Variants in BOK observed in about 807,000 individuals in gnomAD.
BOK encodes BCL2 family apoptosis regulator BOK, also known as bcl-2-related ovarian killer protein.
A neutral mutation model predicts 18.3 loss-of-function variants in BOK; 20 were observed. That is an observed-to-expected ratio of 1.09 (90% CI 0.77 to 1.59). The LOEUF is 1.59. Among genes scored for constraint, BOK ranks in the 40% most tolerant of loss-of-function variants. The probability of loss-of-function intolerance (pLI) is 0.00; values close to 1 mark genes in which losing one functional copy is unlikely to be tolerated. For synonymous variants in BOK, 173 were observed against 142.4 expected, an observed-to-expected ratio of 1.21 and a Z score of -1.53; for missense variants, 348 against 307.9, an observed-to-expected ratio of 1.13 and a Z score of -0.97.
rs191011691 is a variant in BOK, at chr2:241,569,275, G to A, written c.350-850G>A. On this transcript the variant is annotated intron_variant, in intron 3 of 4. Transcript: ENST00000318407. ...GCCTCCCGAGTAGCTGGGATTATAG[G>A]CGCGTGCCACCACGCCTGGCTAATT... 2.5e-3 allele frequency among the ~76,000 whole-genome samples: 376 copies of A among 151,980 alleles called. 4 individuals carry two copies. Among genetic ancestry groups the A allele is most frequent in the East Asian group, 0.02 (105 of 5,168 alleles).
chr2:241,554,202 T>C (rs2066434770), upstream of BOK, among the ~76,000 whole-genome samples: 1 of 152,034 alleles, frequency 6.6e-6, no homozygotes, highest in Non-Finnish European at 1.5e-5. Flanking sequence ...GGGCTGGCTC[T>C]GTATGGCAGG....
At chr2:241,559,846 G>C in intron 2 of BOK, 143 bp downstream of exon 2, 1 of 1,042,440 alleles carries the variant, frequency 9.6e-7, no homozygotes, top group Non-Finnish European at 1.2e-6. Flanking sequence ...GGGCCACCCA[G>C]GCGGGTGCTC....
chr2:241,569,996 C>G (rs1053244459), intron 3 of BOK, 129 bp from the exon 4 acceptor site: 15 of 1,219,894 alleles, frequency 1.2e-5, no homozygotes, highest in Non-Finnish European at 1.6e-5. Context: ...AGCGGTCCCC[C>G]CTTGGGACGG....
In BOK at chr2:241,559,427, C is replaced by G. The variant is rs550663419; in HGVS notation, c.-29-28C>G. 1.5e-5 allele frequency: 20 copies of G among 1,311,042 alleles called. No individual in the cohort carries two copies. In the South Asian group the frequency reaches 3.6e-4, roughly 23 times the overall value. 81.2% of individuals were successfully genotyped at this position (1,311,042 alleles called of 1,614,324 possible). A position where few individuals can be genotyped will look rare whatever the true frequency, so the allele number is the denominator to read the frequency against. Reference sequence around the variant, plus strand: ...GCCCCGTTCCCCGCGCCGCCTCCCTCCACCCGGCTGAGCGCTTGTGCCCGC... The same window carrying G: ...GCCCCGTTCCCCGCGCCGCCTCCCTGCACCCGGCTGAGCGCTTGTGCCCGC... On this transcript the variant is annotated intron_variant, in intron 1 of 4. Coordinates refer to ENST00000318407, the MANE Select transcript of BOK (RefSeq NM_032515.5).
At position 241,562,503 on chromosome 2, in the gene BOK, G is replaced by A; in HGVS notation, c.349+27G>A. 3 of 1,592,050 alleles carry A rather than the reference G, an allele frequency of 1.9e-6. No homozygotes were observed. The highest frequency in any genetic ancestry group is 2.6e-6 in the Non-Finnish European group (3 of 1,171,260). The stretch of plus-strand genomic sequence containing the variant: ...TATGCCCAGCCTGCCCGTCCCATGG[G>A]ACCTCAGGGAGGGATCCAGGGTCTG... On this transcript the variant is annotated intron_variant, in intron 3 of 4. Transcript: ENST00000318407. The surrounding 1 kb of genome is among the most constrained non-coding windows in gnomAD (Gnocchi z 4.5).
In BOK at chr2:241,562,097, C is replaced by T. The variant is rs2066533794; in HGVS notation, c.221-251C>T. On this transcript the variant is annotated intron_variant, in intron 2 of 4. Coordinates refer to ENST00000318407, the MANE Select transcript of BOK (RefSeq NM_032515.5). The surrounding 1 kb of genome is among the most constrained non-coding windows in gnomAD (Gnocchi z 4.5). ...TTGGCCGGCTAGGCTTAGGGGCTGG[C>T]TCGTCAGAGGGGCGGGACTGGGGGC... is the stretch of plus-strand genomic sequence containing the variant. Among the ~76,000 whole-genome samples, 1 of 152,242 alleles carries T rather than the reference C, an allele frequency of 6.6e-6. No homozygotes were observed.
rs2066764984 is a variant in BOK at position 241,574,114 on chromosome 2, A to T, written c.*1692A>T. The T allele has an allele frequency of 1.3e-5, 2 of 152,150 alleles. No individual in the cohort carries two copies. The highest frequency in any genetic ancestry group is 6.5e-5 in the Admixed American group (1 of 15,276). The allele number at this position is 152,150 out of a possible 1,614,324, so 9.4% of individuals were successfully genotyped here. The stretch of plus-strand genomic sequence containing the variant: ...TAGGGGTGGTAATAAACTTCTCCAA[A>T]CGATCGTTGTCATTTTAGACAGAAT... On this transcript the variant is annotated 3_prime_UTR_variant, in exon 5 of 5. Coordinates refer to ENST00000318407, the MANE Select transcript of BOK (RefSeq NM_032515.5).
rs200276495 is a variant in BOK, at chr2:241,570,092, A to G, written c.350-33A>G. On this transcript the variant is annotated intron_variant, in intron 3 of 4. Coordinates refer to ENST00000318407, the MANE Select transcript of BOK (RefSeq NM_032515.5). ...TTAAGTGCTCCCGTGGGCGGGATTC[A>G]AGTCCTGATCTTGACCATCTCTCTC... is the stretch of plus-strand genomic sequence containing the variant. 20 of 1,598,966 alleles carry G rather than the reference A, an allele frequency of 1.3e-5. No homozygotes were observed. The East Asian group carries it at 4.3e-4, about 34-fold the overall frequency.
chr2:241,572,271 C>G, intron 4 of BOK, 26 bp from the exon 5 acceptor site: 1 of 1,605,900 alleles, frequency 6.2e-7, no homozygotes, highest in African/African-American at 1.3e-5. Flanking sequence ...GCTCTGCTTT[C>G]TAACGGTCTC....
chr2:241,572,640 A>G lies in BOK; in HGVS notation c.*218A>G, dbSNP rs1015622952. 13 of 629,496 alleles carry G rather than the reference A, an allele frequency of 2.1e-5. No homozygotes were observed. The highest frequency in any genetic ancestry group is 3.2e-5 in the Non-Finnish European group (12 of 372,882). 39.0% of individuals were successfully genotyped at this position (629,496 alleles called of 1,614,324 possible). On this transcript the variant is annotated 3_prime_UTR_variant, in exon 5 of 5. Coordinates refer to ENST00000318407, the MANE Select transcript of BOK (RefSeq NM_032515.5). ...GAGCTGGGCTTTGGGGCAGCCTGCG[A>G]CCCTCCCCGCTTGTGTCCCTTCTCC...
At position 241,567,271 on chromosome 2, in the gene BOK, C is replaced by T. The variant is rs1449669556; in HGVS notation, c.350-2854C>T. On this transcript the variant is annotated intron_variant, in intron 3 of 4. Transcript: ENST00000318407. Reference sequence around the variant, plus strand: ...CCTCCTGAGTAGCTGGGATTACAGGCACCCGCCACCATGCTTGGCTAATGT... The same window carrying T: ...CCTCCTGAGTAGCTGGGATTACAGGTACCCGCCACCATGCTTGGCTAATGT... 4.5e-5 allele frequency among the ~76,000 whole-genome samples: 6 copies of T among 133,106 alleles called. 1 individual carries two copies. Among genetic ancestry groups the T allele is most frequent in the Non-Finnish European group, 1.6e-5 (1 of 62,512 alleles). The allele number at this position is 133,106 out of a possible 152,430, so 87.3% of individuals were successfully genotyped here.
intron 3 of BOK, among the ~76,000 whole-genome samples, chr2:241,565,721 G>A (rs1171370408): frequency 3.3e-5 from 5 of 151,744 alleles, no homozygotes; most frequent in Non-Finnish European, 3.0e-5. Flanking sequence ...TGCAGGGCAG[G>A]GCTCCGTGGG....
chr2:241,558,054 G>GACAGACACAC (rs2066467944), upstream of BOK, among the ~76,000 whole-genome samples: 3 of 143,244 alleles, frequency 2.1e-5, no homozygotes, highest in Admixed American at 7.1e-5. Context: ...AGAGTTCCGA[G>GACAGACACAC]ACACACACAC....
chr2:241,566,310 T>G (rs1446952486), intron 3 of BOK, among the ~76,000 whole-genome samples: 13 of 150,776 alleles, frequency 8.6e-5, no homozygotes, highest in Non-Finnish European at 1.9e-4. Context: ...TTCTTTTTTT[T>G]TTTTGAGATG....
At chr2:241,559,959 G>A in intron 2 of BOK, 1 of 696,598 alleles carries the variant, frequency 1.4e-6, no homozygotes, top group Non-Finnish European at 1.8e-6. Context: ...GAAAGCTCCA[G>A]AAAGAATAAT....
rs371120666 is a variant in BOK at position 241,572,268 on chromosome 2, T to A, written c.514-29T>A. On this transcript the variant is annotated intron_variant, in intron 4 of 4. Transcript: ENST00000318407. The stretch of plus-strand genomic sequence containing the variant: ...GGGGGCCTGGCGGTGCTGGCTCTGC[T>A]TTCTAACGGTCTCCCTCTTCCCTCC... 12 of 1,604,238 alleles carry A rather than the reference T, an allele frequency of 7.5e-6. No homozygotes were observed. The African/African-American group carries it at 1.5e-4, about 20-fold the overall frequency.
chr2:241,557,691 CTTAT>C (rs1188393614), upstream of BOK, among the ~76,000 whole-genome samples: 2 of 152,160 alleles, frequency 1.3e-5, no homozygotes, highest in African/African-American at 4.8e-5. Context: ...TTTGATATGT[CTTAT>C]TTTTCACTGT....
chr2:241,560,426 A>G (rs2125045619), intron 2 of BOK, among the ~76,000 whole-genome samples: 1 of 152,382 alleles, frequency 6.6e-6, no homozygotes, highest in South Asian at 2.1e-4. Context: ...GCATAGGTGA[A>G]ACTGAATCGG....
intron 3 of BOK, 73 bp from the exon 4 acceptor site, chr2:241,570,052 G>T: frequency 6.6e-7 from 1 of 1,517,632 alleles, no homozygotes; most frequent in Non-Finnish European, 8.9e-7. Flanking sequence ...GGCTCAGAGA[G>T]GCCCAGCCCC....
Sources: allele counts gnomAD v4.1 joint callset (sites outside exome capture counted in the v4.1 genomes callset), GRCh38; gene constraint gnomAD v4.1.1; non-coding constraint Gnocchi (gnomAD v3.1); transcripts MANE v1.5; gene names NCBI Gene and HGNC (gene_info 2026-07-23, HGNC 2026-07-21).